The following STXBP5L variants were observed in gnomAD, a reference collection of about 807,000 sequenced individuals.
STXBP5L encodes the protein syntaxin-binding protein 5-like.
Under a neutral mutation model 144.5 loss-of-function variants are expected in STXBP5L, and 65 were observed. That is an observed-to-expected ratio of 0.45 (90% confidence interval 0.37 to 0.55). The LOEUF is 0.55. Ranked by LOEUF, STXBP5L falls within the 20% of genes least tolerant of loss-of-function variation. The probability of loss-of-function intolerance (pLI) is 0.00; values close to 1 mark genes in which losing one functional copy is unlikely to be tolerated. For synonymous variants in STXBP5L, 505 were observed against 469.6 expected (o/e 1.08, Z -0.97); for missense variants, 1,298 against 1,405.5 (o/e 0.92, Z 1.22).
chr3:121,411,547 A>C (rs902938965), intron 23 of STXBP5L, among the ~76,000 whole-genome samples: 9 of 152,176 alleles, frequency 5.9e-5, no homozygotes, highest in African/African-American at 2.2e-4. Flanking sequence ...CCAAAAGGAC[A>C]TTCTGATGAA....
intron 5 of STXBP5L, among the ~76,000 whole-genome samples, chr3:121,069,823 A>G (rs1021477539): frequency 6.6e-6 from 1 of 152,198 alleles, no homozygotes; most frequent in East Asian, 1.9e-4. Flanking sequence ...TGGATGTCCA[A>G]TTGCTCCAGC....
intron 19 of STXBP5L, among the ~76,000 whole-genome samples, chr3:121,287,699 G>A (rs2051279399): frequency 1.3e-5 from 2 of 151,950 alleles, no homozygotes; most frequent in Non-Finnish European, 2.9e-5. Context: ...CGTGGTGGCG[G>A]GCTCCTGTAA....
At chr3:121,324,018 A>G (rs918051936) in intron 20 of STXBP5L, among the ~76,000 whole-genome samples, 1 of 152,098 alleles carries the variant, frequency 6.6e-6, no homozygotes, top group African/African-American at 2.4e-5. Flanking sequence ...ATCTTTTTCT[A>G]TACTAGCATT....
chr3:121,110,691 G>A (rs2043941476), intron 5 of STXBP5L, among the ~76,000 whole-genome samples: 1 of 152,092 alleles, frequency 6.6e-6, no homozygotes. Context: ...TACAGAATCT[G>A]ATATTATGTG....
At chr3:120,971,187 T>C (rs988651725) in intron 3 of STXBP5L, among the ~76,000 whole-genome samples, 8 of 152,310 alleles carry the variant, frequency 5.3e-5, no homozygotes, top group African/African-American at 1.9e-4. Flanking sequence ...TTGCGTTCTC[T>C]GCAGCCTTAT....
At chr3:121,127,338 C>T (rs1475319845) in intron 7 of STXBP5L, among the ~76,000 whole-genome samples, 1 of 151,982 alleles carries the variant, frequency 6.6e-6, no homozygotes, top group Non-Finnish European at 1.5e-5. Flanking sequence ...AAGTGGATGA[C>T]TTAAAACAAA....
intron 20 of STXBP5L, among the ~76,000 whole-genome samples, chr3:121,365,815 T>A (rs1202015982): frequency 2.6e-5 from 4 of 151,834 alleles, no homozygotes; most frequent in Non-Finnish European, 5.9e-5. Context: ...TGCTTTGGGT[T>A]CTTTTTTTCT....
intron 2 of STXBP5L, among the ~76,000 whole-genome samples, chr3:120,934,448 T>C (rs576271246): frequency 6.6e-6 from 1 of 152,082 alleles, no homozygotes; most frequent in Non-Finnish European, 1.5e-5. Flanking sequence ...TTGTGTGAAC[T>C]TGAGAAGAAT....
At chr3:120,956,625 G>T (rs1411636707) in intron 3 of STXBP5L, among the ~76,000 whole-genome samples, 1 of 151,780 alleles carries the variant, frequency 6.6e-6, no homozygotes, top group Admixed American at 6.6e-5. Flanking sequence ...GAATAATATT[G>T]CTATGAACAT....
intron 5 of STXBP5L, among the ~76,000 whole-genome samples, chr3:121,090,572 A>G (rs887317493): frequency 6.6e-6 from 1 of 152,094 alleles, no homozygotes; most frequent in Non-Finnish European, 1.5e-5. Context: ...ACAGAAAGGG[A>G]ATGAGTTTAG....
intron 2 of STXBP5L, among the ~76,000 whole-genome samples, chr3:120,943,424 G>A (rs1710670596): frequency 6.6e-6 from 1 of 151,548 alleles, no homozygotes; most frequent in African/African-American, 2.4e-5. Flanking sequence ...TTGAAGGCTA[G>A]GGTCTGGAAA....
chr3:121,330,489 G>A (rs1259038247), intron 20 of STXBP5L, among the ~76,000 whole-genome samples: 1 of 152,122 alleles, frequency 6.6e-6, no homozygotes, highest in Non-Finnish European at 1.5e-5. Context: ...CCACCCTAAT[G>A]GCTTAACACA....
intron 9 of STXBP5L, among the ~76,000 whole-genome samples, chr3:121,164,234 C>T (rs951531084): frequency 2.6e-5 from 4 of 152,032 alleles, no homozygotes; most frequent in Admixed American, 6.6e-5. Context: ...ATGGCCAACA[C>T]GTATGTAAAA....
intron 5 of STXBP5L, among the ~76,000 whole-genome samples, chr3:121,077,830 T>A (rs191119507): frequency 8.5e-5 from 13 of 152,264 alleles, no homozygotes; most frequent in Admixed American, 7.8e-4. Context: ...GAGTGTCGAT[T>A]GGTGCATTCA....
intron 7 of STXBP5L, among the ~76,000 whole-genome samples, chr3:121,134,957 T>C (rs1428216779): frequency 2.6e-5 from 4 of 152,126 alleles, no homozygotes; most frequent in Non-Finnish European, 4.4e-5. Flanking sequence ...TATTTCTAGT[T>C]CTAGATCCTT....
At chr3:121,006,637 T>C (rs1272164932) in intron 3 of STXBP5L, among the ~76,000 whole-genome samples, 14 of 152,208 alleles carry the variant, frequency 9.2e-5, no homozygotes, top group African/African-American at 3.1e-4. Flanking sequence ...TACAGTTTCT[T>C]CCTAGTATCA....
At chr3:121,263,877 G>A (rs1165105887) in intron 18 of STXBP5L, among the ~76,000 whole-genome samples, 3 of 152,108 alleles carry the variant, frequency 2.0e-5, no homozygotes, top group African/African-American at 4.8e-5. Flanking sequence ...GAACAAAGCT[G>A]GGAAACACTC....
chr3:120,958,953 G>C (rs1022829885), intron 3 of STXBP5L, among the ~76,000 whole-genome samples: 5 of 152,166 alleles, frequency 3.3e-5, no homozygotes, highest in Non-Finnish European at 7.4e-5. Context: ...TAGGAAAAGA[G>C]GAATTCAAAT....
rs370156024 is a variant in STXBP5L, at chr3:121,148,996, C to T, written c.670-3481C>T. On this transcript the variant is annotated intron_variant, in intron 7 of 26. Coordinates refer to ENST00000471454, the MANE Select transcript of STXBP5L (RefSeq NM_001308330.2). ...ATTGTATAATTCTACCTGTCTAATT[C>T]GAAACAGGTAACAGTAGCCTATGGT... Among the ~76,000 whole-genome samples the T allele has an allele frequency of 1.7e-4, 26 of 152,008 alleles. 1 individual carries two copies. The East Asian group carries it at 2.5e-3, about 15-fold the overall frequency.
Sources: allele counts gnomAD v4.1 joint callset (sites outside exome capture counted in the v4.1 genomes callset), GRCh38; gene constraint gnomAD v4.1.1; transcripts MANE v1.5; gene names NCBI Gene and HGNC (gene_info 2026-07-23, HGNC 2026-07-21).